The following SYNE1 variants were observed in gnomAD, a reference collection of about 807,000 sequenced individuals.
The protein encoded by SYNE1 is spectrin repeat containing nuclear envelope protein 1, also known as nesprin-1.
SYNE1 carries 616 observed loss-of-function variants against 1,111.0 expected under a neutral mutation model. That is an observed-to-expected ratio of 0.55 (90% CI 0.52 to 0.59). The LOEUF (loss-of-function observed/expected upper bound fraction) is 0.59, where lower values mean the gene tolerates loss of function less well. Among genes scored for constraint, SYNE1 ranks in the 20% least tolerant of loss-of-function variants. The pLI is 0.00. For missense variants in SYNE1, 10,006 were observed against 10,417.0 expected (o/e 0.96, Z 1.72); for synonymous variants, 3,855 against 3,825.8 (o/e 1.01, Z -0.28).
Position 152,396,139 on chromosome 6 carries a change from T to A in SYNE1, c.7557-468A>T, listed in dbSNP as rs529178756. ...TGGGGCCAGTGAATAAGTAGGGCAG[T>A]GGAGTCCCTGGGAAGAGAAGGGAAA... is the stretch of plus-strand genomic sequence containing the variant. On this transcript the variant is annotated intron_variant, in intron 50 of 145. Transcript: ENST00000367255. Among the ~76,000 whole-genome samples the A allele has an allele frequency of 3.3e-5, 5 of 152,338 alleles. No homozygotes were observed. In the South Asian group the frequency reaches 8.3e-4, roughly 25 times the overall value.
At chr6:152,303,098 C>CTTTTTTT (rs71017533) in intron 91 of SYNE1, among the ~76,000 whole-genome samples, 7 of 107,082 alleles carry the variant, frequency 6.5e-5, no homozygotes, top group Admixed American at 1.1e-4. Context: ...AACTATTATT[C>CTTTTTTT]TTTTTTTTTT....
At chr6:152,299,232 C>A (rs538628735) in intron 93 of SYNE1, among the ~76,000 whole-genome samples, 10 of 152,164 alleles carry the variant, frequency 6.6e-5, no homozygotes, top group African/African-American at 2.4e-4. Flanking sequence ...AATTTGAGAA[C>A]CTAAACCATA....
At chr6:152,572,290 T>C (rs2099465541) in intron 3 of SYNE1, among the ~76,000 whole-genome samples, 1 of 152,216 alleles carries the variant, frequency 6.6e-6, no homozygotes, top group South Asian at 2.1e-4. Flanking sequence ...TTTGTCCATT[T>C]TGCCAATTCA....
At chr6:152,256,898 C>T in intron 101 of SYNE1, 133 bp from the exon 102 acceptor site, 1 of 1,334,588 alleles carries the variant, frequency 7.5e-7, no homozygotes, top group East Asian at 2.4e-5. Flanking sequence ...AATATAACTT[C>T]TACAACATAC....
chr6:152,441,164 A>G lies in SYNE1; in HGVS notation c.4115T>C (p.Leu1372Ser). 6.2e-7 allele frequency: 1 copy of G among 1,613,688 alleles called. No individual in the cohort carries two copies. Among genetic ancestry groups the G allele is most frequent in the Non-Finnish European group, 8.5e-7 (1 of 1,179,844 alleles). ...TTCCAGTTCTGAAGATAAACTTTCCAAACTGCTAAAACTCAAGAAGCGTTC... is the reference window on the plus strand; with the variant it reads ...TTCCAGTTCTGAAGATAAACTTTCCGAACTGCTAAAACTCAAGAAGCGTTC... ...SHERFLSFSSLESLSSELEQT... is the reference protein window; with the variant it reads ...SHERFLSFSSSESLSSELEQT... The change falls in exon 32 of 146, where the codon TTG (leucine) becomes TCG (serine). Residue 1372 changes from leucine (L) to serine (S), a missense_variant. This residue lies in a region of SYNE1 where 1,971 missense variants were observed against 2,084.1 expected (regional missense o/e 0.95). Coordinates refer to ENST00000367255, the MANE Select transcript of SYNE1 (RefSeq NM_182961.4).
intron 14 of SYNE1, among the ~76,000 whole-genome samples, chr6:152,480,029 C>T (rs1318662880): frequency 6.6e-6 from 1 of 152,040 alleles, no homozygotes; most frequent in Non-Finnish European, 1.5e-5. Flanking sequence ...TGACAAAAAC[C>T]AGAATTACTT....
chr6:152,543,450 G>C (rs551559691), intron 3 of SYNE1, among the ~76,000 whole-genome samples: 1 of 152,020 alleles, frequency 6.6e-6, no homozygotes, highest in African/African-American at 2.4e-5. Flanking sequence ...CCCAAGATTT[G>C]GTAGTTAAAT....
intron 33 of SYNE1, 27 bp from the exon 34 acceptor site, chr6:152,433,972 A>G (rs1382064427): frequency 6.3e-7 from 1 of 1,579,536 alleles, no homozygotes; most frequent in African/African-American, 1.4e-5. Context: ...TAAGTAAATA[A>G]AACTCAGTAT....
intron 101 of SYNE1, among the ~76,000 whole-genome samples, chr6:152,261,225 T>C (rs2153646152): frequency 6.6e-6 from 1 of 152,292 alleles, no homozygotes; most frequent in South Asian, 2.1e-4. Context: ...TGAGCCTAGA[T>C]GGACGCTGCT....
intron 3 of SYNE1, among the ~76,000 whole-genome samples, chr6:152,620,093 A>G (rs1484054623): frequency 6.6e-6 from 1 of 151,946 alleles, no homozygotes; most frequent in Non-Finnish European, 1.5e-5. Context: ...CTCTTTTTAT[A>G]TATTATGAAC....
Position 152,152,097 on chromosome 6 carries a change from C to A in SYNE1, c.24174G>T (p.Leu8058=). 6.2e-7 allele frequency: 1 copy of A among 1,614,174 alleles called. No individual in the cohort carries two copies. Among genetic ancestry groups the A allele is most frequent in the Admixed American group, 1.7e-5 (1 of 60,020 alleles). ...CCAGGCGGCGGTACTGCTTGTTGATCAGTTCCAGCTGCGTCAGGCACTCGT... is the reference window on the plus strand; with the variant it reads ...CCAGGCGGCGGTACTGCTTGTTGATAAGTTCCAGCTGCGTCAGGCACTCGT... ...QVHECLTQLE[L]INKQYRRLAR... Residue 8058 remains leucine (L), a synonymous_variant, in exon 134 of 146, where the codon CTG becomes CTT. Transcript: ENST00000367255.
At chr6:152,180,390 G>T in intron 128 of SYNE1, 96 bp from the exon 129 acceptor site, 2 of 1,197,310 alleles carry the variant, frequency 1.7e-6, no homozygotes, top group Non-Finnish European at 2.4e-6. Flanking sequence ...TAAAATGAAT[G>T]ATAGTCATAC....
At chr6:152,464,998 T>C (rs774813641) in intron 18 of SYNE1, 4 of 508,764 alleles carry the variant, frequency 7.9e-6, no homozygotes, top group Non-Finnish European at 1.1e-5. Flanking sequence ...CCCTAGACAC[T>C]CCCCTTCATA....
chr6:152,245,230 T>C (rs1311231971), intron 105 of SYNE1, among the ~76,000 whole-genome samples: 1 of 152,316 alleles, frequency 6.6e-6, no homozygotes, highest in East Asian at 1.9e-4. Flanking sequence ...CAGAACAAGA[T>C]CTCATCCTGT....
chr6:152,219,842 A>G (rs1366934233), intron 119 of SYNE1, among the ~76,000 whole-genome samples: 4 of 152,192 alleles, frequency 2.6e-5, no homozygotes, highest in East Asian at 1.9e-4. Flanking sequence ...ATATAAGCCA[A>G]TGGAAACTCC....
chr6:152,368,863 C>T, intron 61 of SYNE1, 109 bp downstream of exon 61: 5 of 1,412,990 alleles, frequency 3.5e-6, no homozygotes, highest in Non-Finnish European at 5.0e-6. Context: ...GACCTGGAGA[C>T]CCACACTGTG....
intron 20 of SYNE1, among the ~76,000 whole-genome samples, chr6:152,462,304 T>A (rs983523413): frequency 6.6e-6 from 1 of 152,194 alleles, no homozygotes; most frequent in South Asian, 2.1e-4. Flanking sequence ...TGTTTGCTTT[T>A]CTCATGTAAC....
chr6:152,214,816 A>G, intron 122 of SYNE1, 90 bp downstream of exon 122: 1 of 1,531,024 alleles, frequency 6.5e-7, no homozygotes, highest in Non-Finnish European at 9.0e-7. Flanking sequence ...TCTGTTCTTT[A>G]TAAATTATGC....
intron 39 of SYNE1, among the ~76,000 whole-genome samples, chr6:152,421,095 T>C (rs1452153957): frequency 6.6e-6 from 1 of 152,218 alleles, no homozygotes; most frequent in Admixed American, 6.5e-5. Context: ...ATAGAACCAA[T>C]GAAAAGCCCT....
Sources: allele counts gnomAD v4.1 joint callset (sites outside exome capture counted in the v4.1 genomes callset), GRCh38; gene constraint gnomAD v4.1.1; regional missense constraint gnomAD v4.1.1; transcripts MANE v1.5; gene names NCBI Gene and HGNC (gene_info 2026-07-23, HGNC 2026-07-21).